DHX8: variants seen among roughly 807,000 people sequenced by gnomAD.
DHX8 encodes the protein DEAH-box helicase 8.
Under a neutral mutation model 140.7 loss-of-function variants are expected in DHX8, and 67 were observed. That is an observed-to-expected ratio of 0.48 (90% CI 0.39 to 0.58). The LOEUF (loss-of-function observed/expected upper bound fraction) is 0.58. Among genes scored for constraint, DHX8 ranks in the 20% least tolerant of loss-of-function variants. The pLI is 0.00. For synonymous variants in DHX8, 533 were observed against 553.2 expected (o/e 0.96, Z 0.51); for missense variants, 887 against 1,550.7 (o/e 0.57, Z 7.19).
At position 43,483,979 on chromosome 17, in the gene DHX8, C is replaced by T; in HGVS notation, c.-59C>T. On this transcript the variant is annotated 5_prime_UTR_variant, in exon 1 of 23. Transcript: ENST00000262415. ...TGACCCGGAAGTGAAAGCTGGAACC[C>T]GGCCGGAGTAGCTCTGAGCGCCGGC... 19 of 1,585,664 alleles carry T rather than the reference C, an allele frequency of 1.2e-5. No individual in the cohort carries two copies. The highest frequency in any genetic ancestry group is 4.5e-5 in the East Asian group (2 of 44,614).
rs774911714 is a variant in DHX8, at chr17:43,484,013, AGGAGGTTCT to A, written c.-22_-14del. 1.5e-5 allele frequency: 25 copies of A among 1,613,204 alleles called. 2 individuals carry two copies. The South Asian group carries it at 2.6e-4, about 17-fold the overall frequency. On this transcript the variant is annotated 5_prime_UTR_variant, in exon 1 of 23. Coordinates refer to ENST00000262415, the MANE Select transcript of DHX8 (RefSeq NM_004941.3). ...TAGCTCTGAGCGCCGGCTGTGAGGA[AGGAGGTTCT>A]GGGCAAGCTATAGCCATGGCTGTGG...
Position 43,520,733 on chromosome 17 carries a change from C to G in DHX8, c.2938-18C>G. 1 of 1,613,788 alleles carries G rather than the reference C, an allele frequency of 6.2e-7. No homozygotes were observed. Among genetic ancestry groups the G allele is most frequent in the Non-Finnish European group, 8.5e-7 (1 of 1,179,872 alleles). On this transcript the variant is annotated intron_variant, in intron 19 of 22. Transcript: ENST00000262415. ...TCTTCCACAGGGAAGCAGTTGTAGT[C>G]TTTTTTTGTCCCTCTAGATGGCAGA...
In DHX8 at chr17:43,520,821, A is replaced by AG; in HGVS notation, c.3010dup (p.Glu1004GlyfsTer17). The AG allele has an allele frequency of 6.2e-7, 1 of 1,614,148 alleles. No individual in the cohort carries two copies. The highest frequency in any genetic ancestry group is 8.5e-7 in the Non-Finnish European group (1 of 1,180,020). ...ATGTCTGTGCATCTGGGCTGCAGTG[A>AG]GGAAATGCTGACCATTGTATCCATG... is the stretch of plus-strand genomic sequence containing the variant. On this transcript the variant is annotated frameshift_variant, in exon 20 of 23. Transcript: ENST00000262415. LOFTEE classifies it high-confidence loss of function.
At chr17:43,485,850 C>T (rs1037556244) in intron 1 of DHX8, among the ~76,000 whole-genome samples, 2 of 152,092 alleles carry the variant, frequency 1.3e-5, no homozygotes, top group Non-Finnish European at 2.9e-5. Context: ...GCAGAAAACC[C>T]ACAAATATGC....
intron 21 of DHX8, 83 bp from the exon 22 acceptor site, chr17:43,521,964 A>C: frequency 1.4e-6 from 2 of 1,473,964 alleles, no homozygotes; most frequent in Middle Eastern, 1.9e-4. Flanking sequence ...GGGCACCCCA[A>C]GATGGATGTG....
intron 16 of DHX8, among the ~76,000 whole-genome samples, chr17:43,513,124 A>G (rs1192595394): frequency 6.6e-6 from 1 of 152,164 alleles, no homozygotes; most frequent in East Asian, 1.9e-4. Context: ...TATTGGCTGT[A>G]GCTTTTTCCT....
chr17:43,531,601 G>A (rs1970939679), downstream of DHX8, among the ~76,000 whole-genome samples: 1 of 152,178 alleles, frequency 6.6e-6, no homozygotes, highest in Admixed American at 6.5e-5. Flanking sequence ...CTATTCGGGA[G>A]GCTGAAGCAT....
At position 43,492,956 on chromosome 17, in the gene DHX8, A is replaced by C; in HGVS notation, c.779A>C (p.Glu260Ala). 1 of 1,614,206 alleles carries C rather than the reference A, an allele frequency of 6.2e-7. No homozygotes were observed. The highest frequency in any genetic ancestry group is 8.5e-7 in the Non-Finnish European group (1 of 1,180,040). The part of the protein sequence containing the change: ...RDKHVDRPPP[E>A]EPTIGDIYNG... ...AAGCATGTGGACCGCCCTCCTCCAG[A>C]AGAGCCCACCATTGGTGACATTTAT... The change falls in exon 6 of 23, where the codon GAA becomes GCA. Residue 260 changes from glutamate to alanine, a missense_variant. Glu to Ala is a moderately radical substitution (Grantham distance 107). Coordinates refer to ENST00000262415, the MANE Select transcript of DHX8 (RefSeq NM_004941.3).
At chr17:43,497,820 G>T (rs980598100) in intron 9 of DHX8, among the ~76,000 whole-genome samples, 6 of 152,050 alleles carry the variant, frequency 3.9e-5, no homozygotes, top group Non-Finnish European at 7.4e-5. Flanking sequence ...GTTCCAAATT[G>T]TTTTCTGTTG....
chr17:43,520,740 T>G lies in DHX8; in HGVS notation c.2938-11T>G. On this transcript the variant is annotated splice_polypyrimidine_tract_variant and intron_variant, in intron 19 of 22. Coordinates refer to ENST00000262415, the MANE Select transcript of DHX8 (RefSeq NM_004941.3). ...CAGGGAAGCAGTTGTAGTCTTTTTTTGTCCCTCTAGATGGCAGAGTTCCCT... is the reference window on the plus strand; with the variant it reads ...CAGGGAAGCAGTTGTAGTCTTTTTTGGTCCCTCTAGATGGCAGAGTTCCCT... 6.2e-7 allele frequency: 1 copy of G among 1,614,048 alleles called. No homozygotes were observed. Among genetic ancestry groups the G allele is most frequent in the Non-Finnish European group, 8.5e-7 (1 of 1,179,974 alleles).
At chr17:43,544,735 C>G, downstream of DHX8, 2 of 468,838 alleles carry the variant, frequency 4.3e-6, no homozygotes, top group Non-Finnish European at 7.8e-6. Context: ...TGGTCTGATT[C>G]ATCCTCAAGC....
chr17:43,522,201 G>GC lies in DHX8; in HGVS notation c.3421dup (p.Leu1141ProfsTer13), dbSNP rs1970408858. The GC allele has an allele frequency of 1.9e-6, 3 of 1,613,862 alleles. No homozygotes were observed. Among genetic ancestry groups the GC allele is most frequent in the Non-Finnish European group, 1.7e-6 (2 of 1,179,868 alleles). On this transcript the variant is annotated frameshift_variant, in exon 22 of 23. Coordinates refer to ENST00000262415, the MANE Select transcript of DHX8 (RefSeq NM_004941.3). LOFTEE classifies it high-confidence loss of function. ...GGTGGTCTATATCCATCCTTCCAGT[G>GC]CCCTCTTCAACAGACAGCCAGAATG...
rs551437656 is a variant in DHX8, at chr17:43,505,246, A to G, written c.1728+421A>G. ...AACACGGTGAAACCTTGTCTCTACT[A>G]AAAATACAAAAAATTAGCTGGGCGT... On this transcript the variant is annotated intron_variant, in intron 12 of 22. Coordinates refer to ENST00000262415, the MANE Select transcript of DHX8 (RefSeq NM_004941.3). Among the ~76,000 whole-genome samples, 6 of 152,310 alleles carry G rather than the reference A, an allele frequency of 3.9e-5. No homozygotes were observed. The South Asian group carries it at 1.2e-3, about 32-fold the overall frequency.
At chr17:43,486,393 G>A (rs1294714136) in intron 1 of DHX8, among the ~76,000 whole-genome samples, 2 of 152,072 alleles carry the variant, frequency 1.3e-5, no homozygotes. Context: ...GGAGAGTTGA[G>A]ATAGTAGAGT....
chr17:43,483,990 G>T lies in DHX8; in HGVS notation c.-48G>T, dbSNP rs373180667. The T allele has an allele frequency of 2.5e-4, 408 of 1,610,234 alleles. 4 individuals carry two copies. The South Asian group carries it at 3.8e-3, about 15-fold the overall frequency. ...TGAAAGCTGGAACCCGGCCGGAGTA[G>T]CTCTGAGCGCCGGCTGTGAGGAAGG... On this transcript the variant is annotated 5_prime_UTR_variant, in exon 1 of 23. Coordinates refer to ENST00000262415, the MANE Select transcript of DHX8 (RefSeq NM_004941.3).
chr17:43,518,068 T>C (rs1003938604), intron 18 of DHX8: 1 of 152,220 alleles, frequency 6.6e-6, no homozygotes, highest in Non-Finnish European at 1.5e-5. Context: ...TTTGGGCAAG[T>C]TTATTTACTT....
intron 11 of DHX8, 27 bp downstream of exon 11, chr17:43,500,130 C>T: frequency 6.2e-7 from 1 of 1,603,688 alleles, no homozygotes; most frequent in Non-Finnish European, 8.5e-7. Flanking sequence ...GGTGTATGGA[C>T]CTTGTTTAAA....
chr17:43,484,320 T>G, intron 1 of DHX8, 135 bp downstream of exon 1: 3 of 1,048,512 alleles, frequency 2.9e-6, no homozygotes, highest in Non-Finnish European at 2.8e-6. Flanking sequence ...CAGACACCGG[T>G]GCCCAGGGTA....
intron 3 of DHX8, among the ~76,000 whole-genome samples, chr17:43,539,025 G>A (rs1339645612): frequency 6.6e-6 from 1 of 152,044 alleles, no homozygotes; most frequent in South Asian, 2.1e-4. Context: ...TTTCACCCAC[G>A]GCCTCTTACC....
Sources: allele counts gnomAD v4.1 joint callset (sites outside exome capture counted in the v4.1 genomes callset), GRCh38; gene constraint gnomAD v4.1.1; transcripts MANE v1.5; gene names NCBI Gene and HGNC (gene_info 2026-07-23, HGNC 2026-07-21).